Variants in FMO3 observed in about 807,000 individuals in gnomAD.
FMO3 encodes flavin containing dimethylaniline monoxygenase 3.
A neutral mutation model predicts 39.4 loss-of-function variants in FMO3; 40 were observed. That is an observed-to-expected ratio of 1.02 (90% confidence interval 0.79 to 1.32). The LOEUF (loss-of-function observed/expected upper bound fraction) is 1.32. Among genes scored for constraint, FMO3 ranks in the 40% most tolerant of loss-of-function variants. The pLI is 0.00. For missense variants in FMO3, 680 were observed against 651.8 expected, an observed-to-expected ratio of 1.04 and a Z score of -0.47; for synonymous variants, 219 against 228.8, an observed-to-expected ratio of 0.96 and a Z score of 0.39.
At position 171,092,657 on chromosome 1, in the gene FMO3, C is replaced by T. The variant is rs1654766157; in HGVS notation, c.-2C>T. On this transcript the variant is annotated 5_prime_UTR_variant, in exon 2 of 9. Coordinates refer to ENST00000367755, the MANE Select transcript of FMO3 (RefSeq NM_001002294.3). ...GTTCTCTGGGCCTTTGCACAGGTTA[C>T]CATGGGGAAGAAAGTGGCCATCATT... 6.2e-7 allele frequency: 1 copy of T among 1,613,964 alleles called. No individual in the cohort carries two copies.
intron 5 of FMO3, among the ~76,000 whole-genome samples, chr1:171,109,312 A>G (rs1655792796): frequency 6.6e-6 from 1 of 152,156 alleles, no homozygotes; most frequent in Admixed American, 6.5e-5. Flanking sequence ...ATCAGATTAT[A>G]TCACATATTT....
At chr1:171,098,741 G>C (rs1655221971) in intron 2 of FMO3, among the ~76,000 whole-genome samples, 1 of 152,128 alleles carries the variant, frequency 6.6e-6, no homozygotes, top group African/African-American at 2.4e-5. Flanking sequence ...TGCAAACAAG[G>C]ACAATTTGAC....
intron 7 of FMO3, 25 bp downstream of exon 7, chr1:171,114,387 A>C: frequency 6.6e-7 from 1 of 1,515,318 alleles, no homozygotes; most frequent in Non-Finnish European, 9.1e-7. Flanking sequence ...AGGCTCATGG[A>C]TTGCGAAGAT....
In FMO3 at chr1:171,091,443, G is replaced by GA. The variant is rs558630762; in HGVS notation, c.-7+472dup. On this transcript the variant is annotated intron_variant, in intron 1 of 8. Transcript: ENST00000367755. ...ATAGCTATGTGATTTTGTCTAAAAA[G>GA]AAAAAAAAAAGTAGTGAAAGAAGTA... 4.0e-4 allele frequency among the ~76,000 whole-genome samples: 59 copies of GA among 145,878 alleles called. 1 individual carries two copies. Among genetic ancestry groups the GA allele is most frequent in the Admixed American group, 1.4e-3 (21 of 14,680 alleles).
Position 171,114,231 on chromosome 1 carries a change from TTTTA to T in FMO3, c.1057_1060del (p.Phe353LysfsTer13). 2 of 1,614,018 alleles carry T rather than the reference TTTTA, an allele frequency of 1.2e-6. No homozygotes were observed. Among genetic ancestry groups the T allele is most frequent in the Non-Finnish European group, 1.7e-6 (2 of 1,179,924 alleles). On this transcript the variant is annotated frameshift_variant, in exon 7 of 9. Transcript: ENST00000367755. LOFTEE classifies it high-confidence loss of function. ...ATCAAAAGCAGAAACAATGAGATCA[TTTTA>T]TTTAAAGGAGTATTTCCTCCTCTAC...
chr1:171,091,251 A>G (rs1442240826), intron 1 of FMO3, among the ~76,000 whole-genome samples: 2 of 152,014 alleles, frequency 1.3e-5, no homozygotes, highest in Non-Finnish European at 2.9e-5. Flanking sequence ...AAAAAGAATA[A>G]AAGGTGATAT....
Position 171,117,099 on chromosome 1 carries a change from GGTTTGGCAAAAGCGAGACCATACA to G in FMO3, c.1258_1281del (p.Phe420_Gln427del). ...AGTGGTGTTTTCTCTCCCATCTCCA[GGTTTGGCAAAAGCGAGACCATACA>G]GACAGATTACATTGTTTATATGGAT... On this transcript the variant is annotated inframe_deletion and splice_region_variant, in exon 9 of 9. Coordinates refer to ENST00000367755, the MANE Select transcript of FMO3 (RefSeq NM_001002294.3). 6.2e-7 allele frequency: 1 copy of G among 1,613,192 alleles called. No individual in the cohort carries two copies. Among genetic ancestry groups the G allele is most frequent in the Non-Finnish European group, 8.5e-7 (1 of 1,179,166 alleles).
intron 1 of FMO3, 49 bp from the exon 2 acceptor site, chr1:171,092,604 C>T (rs1557930080): frequency 1.9e-6 from 3 of 1,602,106 alleles, no homozygotes; most frequent in Non-Finnish European, 2.6e-6. Flanking sequence ...TAAGTAAATA[C>T]ATTTTCAGCA....
chr1:171,100,425 T>C (rs1655329018), intron 2 of FMO3: 2 of 152,304 alleles, frequency 1.3e-5, no homozygotes, highest in Non-Finnish European at 2.9e-5. Context: ...GGATTAGTGA[T>C]TCTTTTCTTT....
rs201860024 is a variant in FMO3 at position 171,114,324 on chromosome 1, T to A, written c.1145T>A (p.Val382Asp). Residue 382 changes from valine to aspartate, a missense_variant, in exon 7 of 9, where the codon GTT (valine) becomes GAT (aspartate). Val to Asp is a radical substitution (Grantham distance 152, BLOSUM62 -3). Transcript: ENST00000367755. Reference protein sequence around the residue: ...VQSLGAAIPTVDLQSRWAAQV... With the variant: ...VQSLGAAIPTDDLQSRWAAQV... ...TCCCTTGGGGCTGCCATTCCCACAG[T>A]TGACCTCCAGTCCCGCTGGGCAGCA... 3.1e-6 allele frequency: 5 copies of A among 1,613,798 alleles called. No individual in the cohort carries two copies. Among genetic ancestry groups the A allele is most frequent in the Non-Finnish European group, 4.2e-6 (5 of 1,179,924 alleles).
Position 171,096,047 on chromosome 1 carries a change from TAAA to T in FMO3, c.132+3258_132+3260del, listed in dbSNP as rs1454968677. 2.5e-3 allele frequency among the ~76,000 whole-genome samples: 140 copies of T among 57,068 alleles called. 5 individuals carry two copies. Among genetic ancestry groups the T allele is most frequent in the African/African-American group, 0.015 (132 of 8,554 alleles). The allele number at this position is 57,068 out of a possible 152,430, so 37.4% of individuals were successfully genotyped here. A position where few individuals can be genotyped will look rare whatever the true frequency, so the allele number is the denominator to read the frequency against. On this transcript the variant is annotated intron_variant, in intron 2 of 8. Coordinates refer to ENST00000367755, the MANE Select transcript of FMO3 (RefSeq NM_001002294.3). ...ATTAATATATAATATATATTATATA[TAAA>T]TATATAATATATATTATATATTAAT...
chr1:171,117,516 A>T lies in FMO3; in HGVS notation c.*74A>T. The T allele has an allele frequency of 8.8e-7, 1 of 1,140,056 alleles. No homozygotes were observed. Among genetic ancestry groups the T allele is most frequent in the Non-Finnish European group, 1.3e-6 (1 of 782,026 alleles). The allele number at this position is 1,140,056 out of a possible 1,614,324, so 70.6% of individuals were successfully genotyped here. ...GGGGCTTTGCTATTTAAAAATTAAAATTTTCACACCACCTGCTTTTCTATT... is the reference window on the plus strand; with the variant it reads ...GGGGCTTTGCTATTTAAAAATTAAATTTTTCACACCACCTGCTTTTCTATT... On this transcript the variant is annotated 3_prime_UTR_variant, in exon 9 of 9. Transcript: ENST00000367755.
intron 7 of FMO3, among the ~76,000 whole-genome samples, chr1:171,115,118 G>A (rs962966041): frequency 5.3e-5 from 8 of 152,170 alleles, no homozygotes; most frequent in African/African-American, 1.9e-4. Context: ...ATTTCACTCA[G>A]GATTCCACTT....
chr1:171,099,807 A>T (rs1655289813), intron 2 of FMO3: 1 of 130,156 alleles, frequency 7.7e-6, no homozygotes, highest in Non-Finnish European at 1.6e-5. Context: ...TTTTTTAGAC[A>T]GAGTTTCTCT....
chr1:171,116,575 A>C (rs1656164478), intron 8 of FMO3, among the ~76,000 whole-genome samples: 1 of 152,232 alleles, frequency 6.6e-6, no homozygotes, highest in African/African-American at 2.4e-5. Context: ...AAGGAGACCC[A>C]GAAAGGATTT....
Position 171,107,814 on chromosome 1 carries a change from A to C in FMO3, c.461A>C (p.Asn154Thr). The change falls in exon 4 of 9, where the codon AAC (asparagine) becomes ACC (threonine). Residue 154 changes from asparagine to threonine, a missense_variant. Asn to Thr is a moderately conservative substitution (Grantham distance 65). Transcript: ENST00000367755. ...TGTTCCGGACATCATGTGTATCCCA[A>C]CCTACCAAAAGAGTCCTTTCCAGGT... ...MVCSGHHVYP[N>T]LPKESFPGLN... 1 of 1,613,978 alleles carries C rather than the reference A, an allele frequency of 6.2e-7. No individual in the cohort carries two copies. Among genetic ancestry groups the C allele is most frequent in the Non-Finnish European group, 8.5e-7 (1 of 1,179,922 alleles).
At chr1:171,093,124 C>CTT (rs11317520) in intron 2 of FMO3, among the ~76,000 whole-genome samples, 13 of 148,646 alleles carry the variant, frequency 8.7e-5, no homozygotes, top group South Asian at 2.1e-4. Flanking sequence ...CTTTTCACAT[C>CTT]TTTTTTTTTT....
chr1:171,092,898 C>T, intron 2 of FMO3, 108 bp downstream of exon 2: 1 of 1,207,712 alleles, frequency 8.3e-7, no homozygotes, highest in African/African-American at 1.5e-5. Flanking sequence ...GTTATCATAT[C>T]TGTTAGAATT....
chr1:171,114,252 C>T lies in FMO3; in HGVS notation c.1073C>T (p.Pro358Leu). Reference protein sequence around the residue: ...NEIILFKGVFPPLLEKSTIAV... With the variant: ...NEIILFKGVFLPLLEKSTIAV... ...ATCATTTTATTTAAAGGAGTATTTC[C>T]TCCTCTACTTGAGAAGTCAACCATA... The change falls in exon 7 of 9, where the codon CCT becomes CTT. Residue 358 changes from proline (P) to leucine (L), a missense_variant. Coordinates refer to ENST00000367755, the MANE Select transcript of FMO3 (RefSeq NM_001002294.3). The T allele has an allele frequency of 6.2e-7, 1 of 1,613,946 alleles. No homozygotes were observed. The highest frequency in any genetic ancestry group is 8.5e-7 in the Non-Finnish European group (1 of 1,179,930).
Sources: gnomAD v4.1 joint callset for allele counts (sites outside exome capture counted in the v4.1 genomes callset) on GRCh38, gnomAD v4.1.1 for gene constraint, MANE v1.5 for transcripts, NCBI Gene and HGNC (gene_info 2026-07-23, HGNC 2026-07-21) for gene names.